Variants in CDH12 observed in about 807,000 individuals in gnomAD.
The protein encoded by CDH12 is cadherin 12.
A neutral mutation model predicts 74.1 loss-of-function variants in CDH12; 41 were observed. That is an observed-to-expected ratio of 0.55 (90% confidence interval 0.43 to 0.72). CDH12 has a LOEUF of 0.72. CDH12 is among the 30% of genes least tolerant of loss of function. CDH12 has a pLI of 0.00. For synonymous variants in CDH12, 399 were observed against 355.0 expected (o/e 1.12, Z -1.39); for missense variants, 945 against 977.2 (o/e 0.97, Z 0.44).
chr5:22,522,401 A>G (rs968771997), intron 1 of CDH12, among the ~76,000 whole-genome samples: 11 of 152,208 alleles, frequency 7.2e-5, no homozygotes, highest in Non-Finnish European at 1.6e-4. Flanking sequence ...TCAACTGTGT[A>G]CATTGTCTAC....
chr5:22,063,558 CTTCT>C (rs1741343173), intron 5 of CDH12, among the ~76,000 whole-genome samples: 1 of 151,968 alleles, frequency 6.6e-6, no homozygotes, highest in Non-Finnish European at 1.5e-5. Flanking sequence ...TAAACCAGTA[CTTCT>C]TTCTTTTAAC....
chr5:22,324,570 C>G (rs1198428068), intron 3 of CDH12, among the ~76,000 whole-genome samples: 2 of 151,538 alleles, frequency 1.3e-5, no homozygotes, highest in Non-Finnish European at 2.9e-5. Context: ...TATGAGAAAA[C>G]TTTAAACTTT....
intron 1 of CDH12, among the ~76,000 whole-genome samples, chr5:22,852,241 G>A (rs913277080): frequency 6.6e-6 from 1 of 152,104 alleles, no homozygotes; most frequent in African/African-American, 2.4e-5. Context: ...GAGATATCAG[G>A]TACTCTGAAG....
At chr5:22,410,601 T>C (rs1303169472) in intron 2 of CDH12, among the ~76,000 whole-genome samples, 11 of 152,136 alleles carry the variant, frequency 7.2e-5, no homozygotes, top group Admixed American at 7.2e-4. Context: ...GGGTCTTTGT[T>C]CTGAAGGCTC....
intron 12 of CDH12, 23 bp from the exon 13 acceptor site, chr5:21,760,698 G>T: frequency 7.2e-7 from 1 of 1,392,866 alleles, no homozygotes; most frequent in Non-Finnish European, 1.0e-6. Flanking sequence ...TGAGATTAAA[G>T]TCGGTCATCA....
rs536685785 is a variant in CDH12, at chr5:22,575,688, C to T, written c.-522-70324G>A. 2.6e-5 allele frequency among the ~76,000 whole-genome samples: 4 copies of T among 152,202 alleles called. No homozygotes were observed. In the South Asian group the frequency reaches 8.3e-4, roughly 32 times the overall value. ...CAAGGGATTCACATCCCTCAGCCTC[C>T]CAAGTAGCTGGGATTACAGGTGTGT... On this transcript the variant is annotated intron_variant, in intron 1 of 14. Transcript: ENST00000382254.
intron 3 of CDH12, among the ~76,000 whole-genome samples, chr5:22,231,605 T>C (rs886309537): frequency 1.3e-5 from 2 of 152,000 alleles, no homozygotes. Context: ...TTGAAAACTA[T>C]TAAACTATGA....
intron 4 of CDH12, among the ~76,000 whole-genome samples, chr5:22,206,996 G>C (rs1276991674): frequency 2.7e-5 from 4 of 150,896 alleles, no homozygotes; most frequent in African/African-American, 9.8e-5. Flanking sequence ...GATGGATCAC[G>C]AGGTCAGGAG....
chr5:21,764,115 C>T (rs1379178193), intron 12 of CDH12, among the ~76,000 whole-genome samples: 2 of 152,144 alleles, frequency 1.3e-5, no homozygotes, highest in African/African-American at 4.8e-5. Context: ...TGGCTCATGC[C>T]TGTAATCCCA....
intron 1 of CDH12, among the ~76,000 whole-genome samples, chr5:22,731,552 A>G (rs1330911790): frequency 2.0e-5 from 3 of 151,928 alleles, no homozygotes; most frequent in Non-Finnish European, 4.4e-5. Flanking sequence ...TTTGAGTTGG[A>G]GAATTAATGG....
At chr5:21,970,304 G>A (rs1297557476) in intron 6 of CDH12, among the ~76,000 whole-genome samples, 1 of 152,156 alleles carries the variant, frequency 6.6e-6, no homozygotes, top group Non-Finnish European at 1.5e-5. Context: ...AGAAGTGGAT[G>A]ATAATTCACC....
At chr5:22,083,702 A>G (rs1330518339) in intron 4 of CDH12, among the ~76,000 whole-genome samples, 1 of 152,168 alleles carries the variant, frequency 6.6e-6, no homozygotes, top group Non-Finnish European at 1.5e-5. Context: ...CATGATCTAC[A>G]TGTTAGTACA....
intron 1 of CDH12, among the ~76,000 whole-genome samples, chr5:22,561,013 A>T (rs1220460369): frequency 6.6e-6 from 1 of 152,172 alleles, no homozygotes; most frequent in East Asian, 1.9e-4. Flanking sequence ...GCCACATCAC[A>T]AATCCCTCTT....
intron 1 of CDH12, among the ~76,000 whole-genome samples, chr5:22,672,496 G>A (rs1334519950): frequency 2.6e-5 from 4 of 152,032 alleles, no homozygotes; most frequent in Non-Finnish European, 1.5e-5. Context: ...TACGATAAGA[G>A]GATGAATCCA....
At chr5:22,066,497 C>T (rs1042126461) in intron 5 of CDH12, among the ~76,000 whole-genome samples, 3 of 152,136 alleles carry the variant, frequency 2.0e-5, no homozygotes, top group Admixed American at 1.3e-4. Flanking sequence ...TGGAGGTCAG[C>T]GGACCAATGA....
chr5:22,743,903 T>A (rs1745161040), intron 1 of CDH12, among the ~76,000 whole-genome samples: 2 of 152,122 alleles, frequency 1.3e-5, no homozygotes, highest in African/African-American at 4.8e-5. Context: ...TATGTCACAT[T>A]CAGTAGTTTA....
chr5:22,583,031 C>A (rs973151043), intron 1 of CDH12, among the ~76,000 whole-genome samples: 1 of 152,064 alleles, frequency 6.6e-6, no homozygotes, highest in Non-Finnish European at 1.5e-5. Context: ...CACTTTGAAG[C>A]AAGCAGAGAG....
chr5:22,851,351 G>A (rs868035404), intron 1 of CDH12, among the ~76,000 whole-genome samples: 1 of 152,138 alleles, frequency 6.6e-6, no homozygotes, highest in African/African-American at 2.4e-5. Context: ...CTTGGAAATG[G>A]CACACCACAG....
At chr5:21,813,165 CAG>C (rs1369014176) in intron 9 of CDH12, among the ~76,000 whole-genome samples, 2 of 152,122 alleles carry the variant, frequency 1.3e-5, no homozygotes, top group Non-Finnish European at 2.9e-5. Flanking sequence ...TTAAGACAAC[CAG>C]AGTCACTTGG....
Sources: gnomAD v4.1 joint callset for allele counts (sites outside exome capture counted in the v4.1 genomes callset) on GRCh38, gnomAD v4.1.1 for gene constraint, MANE v1.5 for transcripts, NCBI Gene and HGNC (gene_info 2026-07-23, HGNC 2026-07-21) for gene names.